ADCY2: variants seen among roughly 807,000 people sequenced by gnomAD.
ADCY2 encodes the protein adenylate cyclase type 2.
Under a neutral mutation model 125.2 loss-of-function variants are expected in ADCY2, and 31 were observed. That is an observed-to-expected ratio of 0.25 (90% CI 0.19 to 0.33). The LOEUF (loss-of-function observed/expected upper bound fraction) is 0.33, where lower values mean the gene tolerates loss of function less well. Among genes scored for constraint, ADCY2 ranks in the 10% least tolerant of loss-of-function variants. ADCY2 has a pLI of 1.00. For synonymous variants in ADCY2, 512 were observed against 548.4 expected, an observed-to-expected ratio of 0.93 and a Z score of 0.93; for missense variants, 904 against 1,418.2, an observed-to-expected ratio of 0.64 and a Z score of 5.82.
chr5:7,682,310 C>T (rs750392518), intron 4 of ADCY2, among the ~76,000 whole-genome samples: 3 of 152,096 alleles, frequency 2.0e-5, no homozygotes, highest in Non-Finnish European at 2.9e-5. Context: ...AGAAGAGACC[C>T]GTTTTTTCAG....
intron 2 of ADCY2, among the ~76,000 whole-genome samples, chr5:7,507,773 C>T (rs1743894876): frequency 6.6e-6 from 1 of 152,112 alleles, no homozygotes; most frequent in South Asian, 2.1e-4. Flanking sequence ...ACCCCGTGTA[C>T]TGAGTGAGCT....
chr5:7,436,565 T>G (rs1013841817), intron 2 of ADCY2, among the ~76,000 whole-genome samples: 3 of 152,204 alleles, frequency 2.0e-5, no homozygotes, highest in African/African-American at 7.2e-5. Flanking sequence ...TGCCAAGGAT[T>G]AAGGAATTTC....
chr5:7,705,243 G>T (rs1741229842), intron 7 of ADCY2, among the ~76,000 whole-genome samples: 1 of 152,244 alleles, frequency 6.6e-6, no homozygotes, highest in Non-Finnish European at 1.5e-5. Flanking sequence ...CTTGTGTGAA[G>T]TTGTGCTGTT....
chr5:7,603,322 G>A (rs991437137), intron 3 of ADCY2, among the ~76,000 whole-genome samples: 1 of 152,154 alleles, frequency 6.6e-6, no homozygotes, highest in Admixed American at 6.5e-5. Context: ...AGTGTTTCCC[G>A]ACTGTGTTGC....
At chr5:7,811,711 G>C (rs1744949535) in intron 22 of ADCY2, among the ~76,000 whole-genome samples, 1 of 152,070 alleles carries the variant, frequency 6.6e-6, no homozygotes, top group Non-Finnish European at 1.5e-5. Context: ...GGCTCTTGCT[G>C]AATTTGCTCC....
intron 2 of ADCY2, among the ~76,000 whole-genome samples, chr5:7,422,753 G>A (rs1278591729): frequency 6.6e-6 from 1 of 152,184 alleles, no homozygotes; most frequent in African/African-American, 2.4e-5. Context: ...CATTCAGCAT[G>A]TGCATATGTG....
At position 7,765,300 on chromosome 5, in the gene ADCY2, AT is replaced by A. The variant is rs5865732; in HGVS notation, c.2095-1382del. Among the ~76,000 whole-genome samples the A allele has an allele frequency of 4.1e-3, 626 of 152,264 alleles. 2 individuals are homozygous for A. The highest frequency in any genetic ancestry group is 7.5e-3 in the Non-Finnish European group (508 of 67,998). On this transcript the variant is annotated intron_variant, in intron 16 of 24. Transcript: ENST00000338316. Reference sequence around the variant, plus strand: ...ATTTTTTAATATTTAAATCAATTGAATTTTTGGTCTATCAAATCTAAATCTA... The same window carrying A: ...ATTTTTTAATATTTAAATCAATTGAATTTTGGTCTATCAAATCTAAATCTA...
rs1052297678 is a variant in ADCY2, at chr5:7,552,768, C to T, written c.570+31869C>T. On this transcript the variant is annotated intron_variant, in intron 3 of 24. Transcript: ENST00000338316. ...CTTATTAACTTTTAGGAGATCTCAG[C>T]GTTTGTAAAAAAGGCTATATTTTTT... Among the ~76,000 whole-genome samples the T allele has an allele frequency of 5.9e-5, 9 of 152,164 alleles. No individual in the cohort carries two copies. The South Asian group carries it at 8.3e-4, about 14-fold the overall frequency.
Position 7,709,958 on chromosome 5 carries a change from G to C in ADCY2, c.1578+571G>C, listed in dbSNP as rs772755917. ...GAAAGGCCCATAGGAGGAGAGAAAA[G>C]TAAATACAACCAAGCACTTAGGATA... On this transcript the variant is annotated intron_variant, in intron 10 of 24. Coordinates refer to ENST00000338316, the MANE Select transcript of ADCY2 (RefSeq NM_020546.3). The surrounding 1 kb of genome is among the most constrained non-coding windows in gnomAD (Gnocchi z 4.4). 2.0e-5 allele frequency among the ~76,000 whole-genome samples: 3 copies of C among 152,174 alleles called. No homozygotes were observed. Among genetic ancestry groups the C allele is most frequent in the African/African-American group, 7.2e-5 (3 of 41,436 alleles).
intron 3 of ADCY2, among the ~76,000 whole-genome samples, chr5:7,586,956 CTG>C (rs1736647076): frequency 6.6e-6 from 1 of 152,064 alleles, no homozygotes; most frequent in Admixed American, 6.6e-5. Flanking sequence ...GTATTTATGT[CTG>C]TACATTTTCA....
At chr5:7,564,552 G>C (rs1456948634) in intron 3 of ADCY2, among the ~76,000 whole-genome samples, 1 of 152,136 alleles carries the variant, frequency 6.6e-6, no homozygotes, top group Non-Finnish European at 1.5e-5. Context: ...AAAACTGGAA[G>C]CCCATCCTGT....
At chr5:7,683,955 CCTGG>C (rs1219187441) in intron 4 of ADCY2, among the ~76,000 whole-genome samples, 1 of 152,234 alleles carries the variant, frequency 6.6e-6, no homozygotes, top group Non-Finnish European at 1.5e-5. Flanking sequence ...GGCGCCACCA[CCTGG>C]CTGGCCTTCT....
chr5:7,727,200 G>A lies in ADCY2; in HGVS notation c.1810G>A (p.Val604Met), dbSNP rs1396919860. 5.0e-6 allele frequency: 8 copies of A among 1,614,052 alleles called. No individual in the cohort carries two copies. The highest frequency in any genetic ancestry group is 1.1e-5 in the South Asian group (1 of 91,080). ...ATALPAFKYY[V>M]TCACLIFFCI... ...GGCACTGCCAGCGTTCAAGTATTAT[G>A]TGACTTGTGCCTGTCTCATATTCTT... Residue 604 changes from valine (V) to methionine (M), a missense_variant, in exon 14 of 25, where the codon GTG becomes ATG. Val to Met is a conservative substitution (Grantham distance 21, BLOSUM62 1). Around this residue, in one of 7 missense-constraint regions of ADCY2, gnomAD observed 221 missense variants for 246.2 expected, o/e 0.90. Coordinates refer to ENST00000338316, the MANE Select transcript of ADCY2 (RefSeq NM_020546.3).
chr5:7,784,500 A>G (rs765359922), intron 19 of ADCY2, 51 bp downstream of exon 19: 1 of 1,330,048 alleles, frequency 7.5e-7, no homozygotes, highest in Non-Finnish European at 1.1e-6. Context: ...AAAGTGCTGT[A>G]TTAATAGTGC....
At chr5:7,597,945 A>T (rs181525478) in intron 3 of ADCY2, among the ~76,000 whole-genome samples, 1 of 152,296 alleles carries the variant, frequency 6.6e-6, no homozygotes, top group Non-Finnish European at 1.5e-5. Flanking sequence ...AATTCTACTG[A>T]AGGAGCTTTC....
chr5:7,424,343 T>C (rs546926872), intron 2 of ADCY2, among the ~76,000 whole-genome samples: 1 of 152,364 alleles, frequency 6.6e-6, no homozygotes, highest in Admixed American at 6.5e-5. Context: ...ATCACTTGCA[T>C]CTTGCTGATG....
intron 3 of ADCY2, among the ~76,000 whole-genome samples, chr5:7,523,872 C>T (rs971788617): frequency 4.6e-5 from 7 of 152,200 alleles, no homozygotes; most frequent in Admixed American, 4.6e-4. Flanking sequence ...TATCACCCTG[C>T]CTTCTAAGCC....
chr5:7,826,675 A>G (rs1745489331), intron 24 of ADCY2, 44 bp from the exon 25 acceptor site: 3 of 1,613,640 alleles, frequency 1.9e-6, no homozygotes, highest in African/African-American at 2.7e-5. Context: ...GGTTGTATCA[A>G]TGTATGTACT....
chr5:7,681,927 T>C (rs1303175704), intron 4 of ADCY2, among the ~76,000 whole-genome samples: 1 of 152,222 alleles, frequency 6.6e-6, no homozygotes, highest in Non-Finnish European at 1.5e-5. Flanking sequence ...ATTGTCCCTT[T>C]TTCCTGGGTA....
Sources: allele counts gnomAD v4.1 joint callset (sites outside exome capture counted in the v4.1 genomes callset), GRCh38; gene constraint gnomAD v4.1.1; regional missense constraint gnomAD v4.1.1; non-coding constraint Gnocchi (gnomAD v3.1); transcripts MANE v1.5; gene names NCBI Gene and HGNC (gene_info 2026-07-23, HGNC 2026-07-21).